Variants in YEATS2 observed in about 807,000 individuals in gnomAD.
The protein encoded by YEATS2 is YEATS domain-containing protein 2.
YEATS2 carries 77 observed loss-of-function variants against 163.2 expected under a neutral mutation model. That is an observed-to-expected ratio of 0.47 (90% confidence interval 0.39 to 0.57). YEATS2 has a LOEUF of 0.57. Among genes scored for constraint, YEATS2 ranks in the 20% least tolerant of loss-of-function variants. The probability of loss-of-function intolerance (pLI) is 0.00; values close to 1 mark genes in which losing one functional copy is unlikely to be tolerated. For missense variants in YEATS2, 1,549 were observed against 1,729.8 expected (o/e 0.90, Z 1.85); for synonymous variants, 631 against 645.1 (o/e 0.98, Z 0.33).
chr3:183,761,116 T>C (rs1721304715), intron 13 of YEATS2, among the ~76,000 whole-genome samples: 1 of 152,062 alleles, frequency 6.6e-6, no homozygotes, highest in African/African-American at 2.4e-5. Context: ...TTACGGAGTT[T>C]TGCTCTTGTC....
At chr3:183,730,091 GAC>G (rs1717613620) in intron 7 of YEATS2, among the ~76,000 whole-genome samples, 1 of 58,228 alleles carries the variant, frequency 1.7e-5, no homozygotes, top group Non-Finnish European at 3.0e-5. Context: ...TTTTTTTGGA[GAC>G]ACATCCTGTC....
rs576642832 is a variant in YEATS2 at position 183,752,176 on chromosome 3, C to G, written c.1073C>G (p.Thr358Ser). The change falls in exon 10 of 31, where the codon ACC becomes AGC. Residue 358 changes from threonine to serine, a missense_variant. Thr to Ser is a moderately conservative substitution (Grantham distance 58, BLOSUM62 1). Coordinates refer to ENST00000305135, the MANE Select transcript of YEATS2 (RefSeq NM_018023.5). The stretch of plus-strand genomic sequence containing the variant: ...GATGCCCCTCCATCTTTGCCTTTGA[C>G]CATTCCAGCCCCAGTGAAAGCTTCT... Reference protein sequence around the residue: ...ISDAPPSLPLTIPAPVKASSP... With the variant: ...ISDAPPSLPLSIPAPVKASSP... The G allele has an allele frequency of 2.4e-5, 38 of 1,614,136 alleles. 1 individual carries two copies. The South Asian group carries it at 4.0e-4, about 17-fold the overall frequency.
intron 27 of YEATS2, among the ~76,000 whole-genome samples, chr3:183,804,631 T>G (rs1335278842): frequency 6.6e-6 from 1 of 152,172 alleles, no homozygotes; most frequent in Non-Finnish European, 1.5e-5. Context: ...CGCCACCCAG[T>G]GCGGGAGGCA....
chr3:183,768,976 AAAC>A (rs1218909400), intron 15 of YEATS2, among the ~76,000 whole-genome samples: 3 of 152,308 alleles, frequency 2.0e-5, no homozygotes, highest in South Asian at 2.1e-4. Flanking sequence ...CCGTCTCAAA[AAAC>A]AACAACAAAA....
intron 8 of YEATS2, among the ~76,000 whole-genome samples, chr3:183,746,068 CGTTT>C (rs1322319795): frequency 6.6e-6 from 1 of 151,778 alleles, no homozygotes; most frequent in Non-Finnish European, 1.5e-5. Context: ...TTTGTTCGTT[CGTTT>C]GTTTTTTGTA....
chr3:183,774,475 C>G (rs1280349553), intron 17 of YEATS2, among the ~76,000 whole-genome samples: 1 of 152,164 alleles, frequency 6.6e-6, no homozygotes, highest in Non-Finnish European at 1.5e-5. Context: ...AAACTGGTCC[C>G]TGGTGCCACA....
chr3:183,799,496 G>T (rs1254547743), intron 23 of YEATS2, among the ~76,000 whole-genome samples: 2 of 152,176 alleles, frequency 1.3e-5, no homozygotes, highest in African/African-American at 4.8e-5. Flanking sequence ...TGGGGAAGTG[G>T]CTAGCCAGTT....
At chr3:183,789,577 C>G (rs1486926233) in intron 20 of YEATS2, among the ~76,000 whole-genome samples, 3 of 118,698 alleles carry the variant, frequency 2.5e-5, no homozygotes, top group African/African-American at 1.0e-4. Context: ...GCTCTGTCAC[C>G]CAAGCTGGAG....
At chr3:183,798,810 G>C (rs1391110728) in intron 22 of YEATS2, 81 bp from the exon 23 acceptor site, 1 of 1,089,844 alleles carries the variant, frequency 9.2e-7, no homozygotes, top group Non-Finnish European at 1.4e-6. Flanking sequence ...TCTAATGTGG[G>C]GTTGTCACCT....
At chr3:183,711,470 CAA>C (rs532093071) in intron 1 of YEATS2, among the ~76,000 whole-genome samples, 32 of 70,784 alleles carry the variant, frequency 4.5e-4, no homozygotes, top group Admixed American at 8.4e-4. Context: ...GACTCTGTCT[CAA>C]AAAAAAAAAA....
At chr3:183,729,427 A>G (rs1213242085) in intron 7 of YEATS2, among the ~76,000 whole-genome samples, 2 of 152,218 alleles carry the variant, frequency 1.3e-5, no homozygotes, top group Non-Finnish European at 2.9e-5. Context: ...ATACAGATGC[A>G]TATGAAAATG....
Position 183,810,698 on chromosome 3 carries a change from C to G in YEATS2, c.*115C>G. 2 of 925,712 alleles carry G rather than the reference C, an allele frequency of 2.2e-6. No homozygotes were observed. The highest frequency in any genetic ancestry group is 3.4e-6 in the Non-Finnish European group (2 of 593,240). The allele number at this position is 925,712 out of a possible 1,614,324, so 57.3% of individuals were successfully genotyped here. A position where few individuals can be genotyped will look rare whatever the true frequency, so the allele number is the denominator to read the frequency against. On this transcript the variant is annotated 3_prime_UTR_variant, in exon 31 of 31. Transcript: ENST00000305135. ...AGTGTGACTCGGCATGTCATGGCTA[C>G]CCAACCTTTGCCGCTGCCTGTTCCC... is the stretch of plus-strand genomic sequence containing the variant.
At position 183,715,250 on chromosome 3, in the gene YEATS2, A is replaced by C. The variant is rs754762272; in HGVS notation, c.88A>C (p.Ile30Leu). ...CCTTCCAAATAAGCGGCATAAAGCA[A>C]TTGAGAATTCAGGTAGAAATCCTGC... ...VALPNKRHKA[I>L]ENSARDAAVQ... The change falls in exon 2 of 31, where the codon ATT (isoleucine) becomes CTT (leucine). Residue 30 changes from isoleucine (I) to leucine (L), a missense_variant. Transcript: ENST00000305135. 5.0e-6 allele frequency: 8 copies of C among 1,607,944 alleles called. No homozygotes were observed. Among genetic ancestry groups the C allele is most frequent in the Non-Finnish European group, 6.8e-6 (8 of 1,178,682 alleles).
intron 1 of YEATS2, among the ~76,000 whole-genome samples, chr3:183,714,693 A>G (rs966815670): frequency 5.3e-5 from 8 of 152,182 alleles, no homozygotes; most frequent in African/African-American, 1.9e-4. Flanking sequence ...GCCTTTAACT[A>G]TGTTGCTTAT....
intron 1 of YEATS2, among the ~76,000 whole-genome samples, chr3:183,703,792 G>A (rs557372465): frequency 1.3e-5 from 2 of 152,010 alleles, no homozygotes; most frequent in African/African-American, 4.8e-5. Context: ...AGCTGCTGCC[G>A]TATTTAGTTT....
chr3:183,708,597 G>A (rs922843506), intron 1 of YEATS2, among the ~76,000 whole-genome samples: 13 of 152,086 alleles, frequency 8.5e-5, no homozygotes, highest in Non-Finnish European at 4.4e-5. Flanking sequence ...GGGGCCAGGG[G>A]TGGTGGCTTA....
intron 18 of YEATS2, 40 bp downstream of exon 18, chr3:183,776,163 A>T (rs1456956901): frequency 6.6e-7 from 1 of 1,510,266 alleles, no homozygotes; most frequent in African/African-American, 1.4e-5. Context: ...TCATTTAGCT[A>T]TTGGATAACT....
chr3:183,703,927 G>C (rs1452783345), intron 1 of YEATS2, among the ~76,000 whole-genome samples: 2 of 152,050 alleles, frequency 1.3e-5, no homozygotes, highest in East Asian at 3.8e-4. Context: ...TTGGGAGGCT[G>C]AGGCAGGCGG....
At chr3:183,701,797 G>T (rs1233398350) in intron 1 of YEATS2, among the ~76,000 whole-genome samples, 1 of 151,978 alleles carries the variant, frequency 6.6e-6, no homozygotes, top group Non-Finnish European at 1.5e-5. Flanking sequence ...CATAACAATC[G>T]CCAGTAGAAG....
Sources: allele counts gnomAD v4.1 joint callset (sites outside exome capture counted in the v4.1 genomes callset), GRCh38; gene constraint gnomAD v4.1.1; transcripts MANE v1.5; gene names NCBI Gene and HGNC (gene_info 2026-07-23, HGNC 2026-07-21).